Variants in RUFY1 observed in about 807,000 individuals in gnomAD.
RUFY1 encodes the protein RUN and FYVE domain-containing protein 1.
RUFY1 carries 54 observed loss-of-function variants against 94.6 expected under a neutral mutation model. That is an observed-to-expected ratio of 0.57 (90% CI 0.46 to 0.72). RUFY1 has a LOEUF of 0.72. RUFY1 is among the 30% of genes least tolerant of loss of function. The pLI, the probability that RUFY1 is intolerant of heterozygous loss-of-function variation, is 0.00. For missense variants in RUFY1, 883 were observed against 883.9 expected (o/e 1.00, Z 0.01); for synonymous variants, 396 against 347.3 (o/e 1.14, Z -1.56).
At chr5:179,571,355 G>A (rs6601052) in intron 5 of RUFY1, among the ~76,000 whole-genome samples, 62,533 of 151,852 alleles carry the variant, frequency 0.41, 13,319 homozygotes, top group East Asian at 0.73. Flanking sequence ...AAAATTAGCC[G>A]AGCATGGTGG....
At chr5:179,602,690 G>A (rs1766571127) in intron 15 of RUFY1, 1 of 152,282 alleles carries the variant, frequency 6.6e-6, no homozygotes, top group Non-Finnish European at 1.5e-5. Context: ...AACTCAAAGT[G>A]GCTTAAGCAA....
chr5:179,550,628 T>C lies in RUFY1; in HGVS notation c.59T>C (p.Leu20Pro), dbSNP rs370133739. The change falls in exon 1 of 18, where the codon CTG becomes CCG. Residue 20 changes from leucine to proline, a missense_variant. Physicochemically the swap from Leu to Pro is moderately conservative, Grantham distance 98. Transcript: ENST00000319449. ...AGRGRELEPELEPGPGPGSAL... is the reference protein window; with the variant it reads ...AGRGRELEPEPEPGPGPGSAL... Reference sequence around the variant, plus strand: ...CGGGGGCGGGAGCTGGAGCCGGAGCTGGAGCCGGGGCCGGGGCCCGGGTCA... The same window carrying C: ...CGGGGGCGGGAGCTGGAGCCGGAGCCGGAGCCGGGGCCGGGGCCCGGGTCA... 4.1e-4 allele frequency: 547 copies of C among 1,340,294 alleles called. 4 individuals carry two copies. The African/African-American group carries it at 7.6e-3, about 19-fold the overall frequency. 83.0% of individuals were successfully genotyped at this position (1,340,294 alleles called of 1,614,324 possible).
rs200485640 is a variant in RUFY1, at chr5:179,560,033, T to C, written c.319T>C (p.Cys107Arg). The C allele has an allele frequency of 6.2e-6, 10 of 1,613,482 alleles. No homozygotes were observed. The African/African-American group carries it at 8.0e-5, about 13-fold the overall frequency. ...GDGTARAASK[C>R]QMMEERANLM... ...CTGCTCCTGCCCCACAGCTTCTAAGTGCCAGATGATGGAGGAGCGTGCCAA... is the reference window on the plus strand; with the variant it reads ...CTGCTCCTGCCCCACAGCTTCTAAGCGCCAGATGATGGAGGAGCGTGCCAA... The change falls in exon 2 of 18, where the codon TGC becomes CGC. Residue 107 changes from cysteine to arginine, a missense_variant. Transcript: ENST00000319449.
At chr5:179,552,529 C>T (rs567675345) in intron 1 of RUFY1, among the ~76,000 whole-genome samples, 12 of 152,276 alleles carry the variant, frequency 7.9e-5, no homozygotes, top group Admixed American at 4.6e-4. Context: ...ATGATGAGAG[C>T]CTGGGCAGGC....
intron 17 of RUFY1, 36 bp from the exon 18 acceptor site, chr5:179,609,340 C>T (rs371655036): frequency 2.4e-5 from 38 of 1,603,684 alleles, no homozygotes; most frequent in East Asian, 6.7e-5. Flanking sequence ...GGCTTTTCCC[C>T]GGGTGTCCTG....
At chr5:179,593,397 C>A in intron 10 of RUFY1, 81 bp from the exon 11 acceptor site, 1 of 1,495,612 alleles carries the variant, frequency 6.7e-7, no homozygotes, top group Non-Finnish European at 9.2e-7. Context: ...GTATTTTAAG[C>A]ATTACCTGAG....
At chr5:179,557,586 TTA>T (rs566792981) in intron 1 of RUFY1, among the ~76,000 whole-genome samples, 345 of 152,306 alleles carry the variant, frequency 2.3e-3, no homozygotes, top group African/African-American at 7.9e-3. Context: ...AAAAATACTT[TTA>T]GTTTATCATG....
In RUFY1 at chr5:179,560,089, G is replaced by A. The variant is rs780630139; in HGVS notation, c.375G>A (p.Lys125=). Residue 125 remains lysine, a synonymous_variant, in exon 2 of 18, where the codon AAG becomes AAA. Transcript: ENST00000319449. ...NLMHMMKLSI[K]VLLQSALSLG... is the part of the protein sequence containing the mutation. ...TGCACATGATGAAACTCAGCATCAA[G>A]GTGTTGCTCCAGTCGGCTCTGAGCC... The A allele has an allele frequency of 6.2e-7, 1 of 1,614,116 alleles. No individual in the cohort carries two copies. The highest frequency in any genetic ancestry group is 8.5e-7 in the Non-Finnish European group (1 of 1,180,020).
chr5:179,570,734 A>G (rs577610002), intron 5 of RUFY1, among the ~76,000 whole-genome samples: 3 of 152,200 alleles, frequency 2.0e-5, no homozygotes, highest in East Asian at 3.9e-4. Context: ...AGATTCCCTG[A>G]TCCCTCCATG....
chr5:179,551,415 T>C (rs1761842937), intron 1 of RUFY1, among the ~76,000 whole-genome samples: 1 of 152,270 alleles, frequency 6.6e-6, no homozygotes, highest in Non-Finnish European at 1.5e-5. Context: ...AACTTAGCCC[T>C]CTAACGCCAG....
chr5:179,556,650 G>A (rs531811100), intron 1 of RUFY1, among the ~76,000 whole-genome samples: 4 of 152,122 alleles, frequency 2.6e-5, no homozygotes, highest in Admixed American at 6.6e-5. Flanking sequence ...ACAGGTGCAC[G>A]CCAGCACGCC....
intron 8 of RUFY1, among the ~76,000 whole-genome samples, chr5:179,588,876 A>G (rs905972929): frequency 1.3e-5 from 2 of 151,904 alleles, no homozygotes; most frequent in Non-Finnish European, 2.9e-5. Context: ...AATTACAGGC[A>G]TGAGACATCA....
At chr5:179,608,244 C>G in intron 17 of RUFY1, 1 of 979,866 alleles carries the variant, frequency 1.0e-6, no homozygotes, top group Non-Finnish European at 1.2e-6. Context: ...GCGCCACCCA[C>G]CTTTCTGCCA....
At chr5:179,601,361 G>A (rs1026499829) in intron 14 of RUFY1, among the ~76,000 whole-genome samples, 3 of 151,770 alleles carry the variant, frequency 2.0e-5, no homozygotes, top group Non-Finnish European at 2.9e-5. Context: ...TGGAGACAGG[G>A]TTGCACCATG....
chr5:179,605,947 T>C (rs1482437199), intron 16 of RUFY1, 23 bp downstream of exon 16: 3 of 1,550,856 alleles, frequency 1.9e-6, no homozygotes, highest in Non-Finnish European at 2.7e-6. Flanking sequence ...TAAGAACCAC[T>C]TCTTTGCTGT....
At chr5:179,591,400 G>A (rs1349829941) in intron 9 of RUFY1, among the ~76,000 whole-genome samples, 3 of 151,458 alleles carry the variant, frequency 2.0e-5, no homozygotes, top group Non-Finnish European at 2.9e-5. Flanking sequence ...TAGCCAGGAT[G>A]GTCTCGATCG....
At chr5:179,553,734 G>T (rs1561946462) in intron 1 of RUFY1, among the ~76,000 whole-genome samples, 1 of 152,176 alleles carries the variant, frequency 6.6e-6, no homozygotes, top group Non-Finnish European at 1.5e-5. Context: ...AGTTTGCAGT[G>T]AGCCGAGACC....
intron 1 of RUFY1, among the ~76,000 whole-genome samples, chr5:179,556,119 T>C (rs1762105301): frequency 6.6e-6 from 1 of 152,204 alleles, no homozygotes; most frequent in South Asian, 2.1e-4. Flanking sequence ...ACATTGTTTT[T>C]TGAAATGTAT....
intron 5 of RUFY1, among the ~76,000 whole-genome samples, chr5:179,575,288 C>G (rs560680520): frequency 6.6e-6 from 1 of 152,020 alleles, no homozygotes; most frequent in Non-Finnish European, 1.5e-5. Flanking sequence ...CAAGAGCGCA[C>G]GTGCTTACAG....
Sources: gnomAD v4.1 joint callset for allele counts (sites outside exome capture counted in the v4.1 genomes callset) on GRCh38, gnomAD v4.1.1 for gene constraint, MANE v1.5 for transcripts, NCBI Gene and HGNC (gene_info 2026-07-23, HGNC 2026-07-21) for gene names.